Variants in DIAPH2 observed in about 807,000 individuals in gnomAD.
DIAPH2 encodes diaphanous related formin 2, also known as protein diaphanous homolog 2.
DIAPH2 carries 35 observed loss-of-function variants against 92.7 expected under a neutral mutation model. The ratio of observed to expected loss-of-function variants is 0.38; its 90% CI spans 0.29 to 0.50. DIAPH2 has a LOEUF of 0.50. Ranked by LOEUF, DIAPH2 falls within the 20% of genes least tolerant of loss-of-function variation. DIAPH2 has a pLI of 0.94. For missense variants in DIAPH2, 701 were observed against 819.5 expected, an observed-to-expected ratio of 0.86 and a Z score of 1.77; for synonymous variants, 301 against 280.4, an observed-to-expected ratio of 1.07 and a Z score of -0.73.
chrX:97,270,515 C>T (rs1163019789), intron 23 of DIAPH2, among the ~76,000 whole-genome samples: 1 of 111,866 alleles, frequency 8.9e-6, no homozygotes, highest in Non-Finnish European at 1.9e-5. Flanking sequence ...AACAAGGATG[C>T]TATACTGCTT....
chrX:96,759,349 G>A (rs6523053), intron 4 of DIAPH2, among the ~76,000 whole-genome samples: 17,483 of 111,154 alleles, frequency 0.16, 1,181 homozygotes, highest in East Asian at 0.32. Flanking sequence ...TGAATGCTGA[G>A]CTATTTAAAC....
intron 4 of DIAPH2, among the ~76,000 whole-genome samples, chrX:96,772,912 A>C (rs1440867552): frequency 8.9e-6 from 1 of 112,463 alleles, no homozygotes; most frequent in Non-Finnish European, 1.9e-5. Flanking sequence ...CTGGTAAATC[A>C]TTTATTTTTA....
At chrX:96,914,707 T>C (rs1325516663) in intron 7 of DIAPH2, among the ~76,000 whole-genome samples, 1 of 110,626 alleles carries the variant, frequency 9.0e-6, no homozygotes, top group African/African-American at 3.3e-5. Context: ...TTTGTCAACA[T>C]TTAGTTTCTT....
Position 97,456,530 on chromosome X carries a change from A to G in DIAPH2, c.3241+26785A>G, listed in dbSNP as rs755651208. 3.6e-5 allele frequency among the ~76,000 whole-genome samples: 4 copies of G among 111,854 alleles called. No individual in the cohort carries two copies. The East Asian group carries it at 1.1e-3, about 31-fold the overall frequency. On this transcript the variant is annotated intron_variant, in intron 26 of 26. Transcript: ENST00000324765. ...TAAGAGATAAGATATGTATATAACA[A>G]TATTTGTGTACCATGTATGAATTTG... is the stretch of plus-strand genomic sequence containing the variant.
At chrX:97,092,208 T>TA (rs1045111520) in intron 19 of DIAPH2, among the ~76,000 whole-genome samples, 1 of 112,395 alleles carries the variant, frequency 8.9e-6, no homozygotes, top group African/African-American at 3.2e-5. Flanking sequence ...GAGAACTTTT[T>TA]AAAAATGTCT....
At chrX:97,210,041 G>C (rs1824508068) in intron 22 of DIAPH2, among the ~76,000 whole-genome samples, 1 of 111,287 alleles carries the variant, frequency 9.0e-6, no homozygotes, top group African/African-American at 3.3e-5. Flanking sequence ...AAATTTGGAG[G>C]TCAACAAATA....
chrX:97,483,162 T>C, intron 26 of DIAPH2, among the ~76,000 whole-genome samples: 1 of 110,396 alleles, frequency 9.1e-6, no homozygotes, highest in Non-Finnish European at 1.9e-5. Context: ...TAAAAAGCCT[T>C]TTAATTTTTA....
At chrX:96,947,243 T>A (rs1177524867) in intron 14 of DIAPH2, among the ~76,000 whole-genome samples, 1 of 111,693 alleles carries the variant, frequency 9.0e-6, no homozygotes, top group African/African-American at 3.3e-5. Flanking sequence ...TCCAACATAC[T>A]AATAAACCAT....
intron 26 of DIAPH2, among the ~76,000 whole-genome samples, chrX:97,549,821 C>A (rs1400658256): frequency 3.6e-5 from 4 of 111,676 alleles, no homozygotes; most frequent in South Asian, 7.4e-4. Context: ...TCAAGCAAAT[C>A]CGCATTCTAC....
At chrX:97,510,270 C>A (rs1483565597) in intron 26 of DIAPH2, among the ~76,000 whole-genome samples, 1 of 111,357 alleles carries the variant, frequency 9.0e-6, no homozygotes, top group Non-Finnish European at 1.9e-5. Flanking sequence ...TGATGATGAG[C>A]ATTTTTTCAT....
intron 26 of DIAPH2, among the ~76,000 whole-genome samples, chrX:97,527,380 C>T (rs4828087): frequency 2.3e-4 from 26 of 112,282 alleles, no homozygotes; most frequent in Admixed American, 6.6e-4. Context: ...ATCATCCAAA[C>T]ATTTTTTTCC....
chrX:97,352,042 G>A (rs191779254), intron 24 of DIAPH2, among the ~76,000 whole-genome samples: 5 of 110,657 alleles, frequency 4.5e-5, no homozygotes, highest in Non-Finnish European at 7.6e-5. Context: ...AATTGTAATC[G>A]CCAGAAGTTC....
intron 24 of DIAPH2, among the ~76,000 whole-genome samples, chrX:97,381,975 C>T (rs745677505): frequency 1.8e-5 from 2 of 109,993 alleles, no homozygotes; most frequent in South Asian, 8.5e-4. Flanking sequence ...ATGTAAACAA[C>T]CCATTAGATT....
intron 17 of DIAPH2, among the ~76,000 whole-genome samples, chrX:97,039,235 A>G (rs1029452309): frequency 2.7e-5 from 3 of 111,306 alleles, no homozygotes; most frequent in Non-Finnish European, 3.8e-5. Flanking sequence ...TTGTTCATAT[A>G]GTTTTACTCA....
At chrX:97,275,481 TG>T (rs35434828) in intron 23 of DIAPH2, among the ~76,000 whole-genome samples, 37,295 of 81,397 alleles carry the variant, frequency 0.46, 7,463 homozygotes, top group Non-Finnish European at 0.58. Flanking sequence ...ACTTCCCAGA[TG>T]GGGCGGCTGC....
At chrX:97,509,270 C>T (rs2070862958) in intron 26 of DIAPH2, among the ~76,000 whole-genome samples, 2 of 109,267 alleles carry the variant, frequency 1.8e-5, no homozygotes, top group Admixed American at 9.8e-5. Context: ...TGGTGTTGAA[C>T]TCCTGACCTC....
At chrX:97,520,265 A>G (rs1241451878) in intron 26 of DIAPH2, among the ~76,000 whole-genome samples, 2 of 112,382 alleles carry the variant, frequency 1.8e-5, no homozygotes, top group African/African-American at 6.5e-5. Context: ...GTGCAACTTC[A>G]AAGCGTTTCC....
At position 96,984,905 on chromosome X, in the gene DIAPH2, C is replaced by A. The variant is rs987876716; in HGVS notation, c.2050+19698C>A. On this transcript the variant is annotated intron_variant, in intron 17 of 26. Coordinates refer to ENST00000324765, the MANE Select transcript of DIAPH2 (RefSeq NM_006729.5). ...TATATATTAACCCATTTAATTAATTCTCATGGAAGAAAACCTGTACGACAA... is the reference window on the plus strand; with the variant it reads ...TATATATTAACCCATTTAATTAATTATCATGGAAGAAAACCTGTACGACAA... Among the ~76,000 whole-genome samples, 12 of 111,398 alleles carry A rather than the reference C, an allele frequency of 1.1e-4. No individual in the cohort carries two copies. The Admixed American group carries it at 1.1e-3, about 11-fold the overall frequency.
At chrX:96,972,045 G>T (rs752741707) in intron 17 of DIAPH2, among the ~76,000 whole-genome samples, 1 of 111,429 alleles carries the variant, frequency 9.0e-6, no homozygotes, top group African/African-American at 3.3e-5. Flanking sequence ...AAACTTCACC[G>T]CCTGGGTTTT....
Sources: gnomAD v4.1 joint callset for allele counts (sites outside exome capture counted in the v4.1 genomes callset) on GRCh38, gnomAD v4.1.1 for gene constraint, MANE v1.5 for transcripts, NCBI Gene and HGNC (gene_info 2026-07-23, HGNC 2026-07-21) for gene names.